The following ARHGAP15 variants were observed in gnomAD, a reference collection of about 807,000 sequenced individuals.
ARHGAP15 encodes Rho GTPase activating protein 15.
A neutral mutation model predicts 63.7 loss-of-function variants in ARHGAP15; 51 were observed. The observed-to-expected ratio is 0.80, with a 90% CI of 0.64 to 1.01. The LOEUF is 1.01. Among genes scored for constraint, ARHGAP15 ranks in the 50% least tolerant of loss-of-function variants. The pLI, the probability that ARHGAP15 is intolerant of heterozygous loss-of-function variation, is 0.00. For missense variants in ARHGAP15, 560 were observed against 564.6 expected (o/e 0.99, Z 0.08); for synonymous variants, 191 against 193.8 (o/e 0.99, Z 0.12).
chr2:143,700,396 C>G (rs1295924021), intron 12 of ARHGAP15, among the ~76,000 whole-genome samples: 1 of 152,170 alleles, frequency 6.6e-6, no homozygotes, highest in Admixed American at 6.5e-5. Flanking sequence ...CAAGACTACT[C>G]CCCACTTCTT....
intron 8 of ARHGAP15, among the ~76,000 whole-genome samples, chr2:143,471,786 C>T (rs1266330752): frequency 6.6e-6 from 1 of 152,116 alleles, no homozygotes; most frequent in Non-Finnish European, 1.5e-5. Context: ...AGAAGTGTAA[C>T]CAATCACCTC....
intron 10 of ARHGAP15, among the ~76,000 whole-genome samples, chr2:143,528,563 C>A (rs1694386443): frequency 6.6e-6 from 1 of 152,028 alleles, no homozygotes; most frequent in Non-Finnish European, 1.5e-5. Context: ...TTCATTTCCT[C>A]CAAATTTACT....
rs917092465 is a variant in ARHGAP15 at position 143,552,288 on chromosome 2, G to A, written c.926-4120G>A. ...CCAGGCTCAAACTCCACATCTGCAT[G>A]GTTTGTCCATCATTCGGGCTACCAA... On this transcript the variant is annotated intron_variant, in intron 10 of 13. Coordinates refer to ENST00000295095, the MANE Select transcript of ARHGAP15 (RefSeq NM_018460.4). Among the ~76,000 whole-genome samples, 37 of 152,148 alleles carry A rather than the reference G, an allele frequency of 2.4e-4. 1 individual carries two copies. The highest frequency in any genetic ancestry group is 4.4e-5 in the Non-Finnish European group (3 of 68,038).
intron 6 of ARHGAP15, among the ~76,000 whole-genome samples, chr2:143,402,395 T>C (rs778188326): frequency 9.9e-5 from 15 of 151,806 alleles, no homozygotes; most frequent in Non-Finnish European, 1.6e-4. Context: ...GTTGGAAAAA[T>C]AGACAACAGC....
At chr2:143,574,501 T>A (rs567759958) in intron 11 of ARHGAP15, among the ~76,000 whole-genome samples, 4 of 151,820 alleles carry the variant, frequency 2.6e-5, no homozygotes, top group Admixed American at 6.6e-5. Flanking sequence ...AATTAAAAAA[T>A]AATAATAAAA....
At chr2:143,629,684 G>A (rs149664295) in intron 12 of ARHGAP15, among the ~76,000 whole-genome samples, 25 of 152,172 alleles carry the variant, frequency 1.6e-4, no homozygotes, top group African/African-American at 5.5e-4. Context: ...CAAAGTTCCT[G>A]AAAAAGAGAA....
intron 12 of ARHGAP15, among the ~76,000 whole-genome samples, chr2:143,636,443 C>A (rs1222899685): frequency 1.3e-5 from 2 of 152,072 alleles, no homozygotes; most frequent in African/African-American, 4.8e-5. Context: ...TGATCCTGAA[C>A]AAATATTAGA....
chr2:143,132,655 CT>C (rs1355710127), intron 1 of ARHGAP15, among the ~76,000 whole-genome samples: 1 of 152,222 alleles, frequency 6.6e-6, no homozygotes, highest in East Asian at 1.9e-4. Flanking sequence ...GCAGCTACAG[CT>C]GCAGCACTTG....
chr2:143,336,801 A>G (rs11681300), intron 6 of ARHGAP15, among the ~76,000 whole-genome samples: 152,307 of 152,312 alleles, frequency 1, 76,151 homozygotes, highest in Non-Finnish European at 1. Flanking sequence ...TTTGAAGAAG[A>G]CTTTCTGCTT....
chr2:143,578,573 G>C (rs778116275), intron 11 of ARHGAP15, among the ~76,000 whole-genome samples: 24 of 152,018 alleles, frequency 1.6e-4, no homozygotes, highest in Non-Finnish European at 3.2e-4. Flanking sequence ...TAAAAAAGGT[G>C]GGGGGGTAGT....
At chr2:143,693,724 T>C (rs1683716414) in intron 12 of ARHGAP15, among the ~76,000 whole-genome samples, 1 of 152,222 alleles carries the variant, frequency 6.6e-6, no homozygotes. Context: ...AGGACGTTGA[T>C]AGTTAGGGAT....
At chr2:143,656,382 C>G (rs1044805669) in intron 12 of ARHGAP15, among the ~76,000 whole-genome samples, 12 of 152,220 alleles carry the variant, frequency 7.9e-5, no homozygotes, top group African/African-American at 2.7e-4. Context: ...ACCATGGTAT[C>G]TAAACACTTG....
At chr2:143,257,796 A>C (rs115370319) in intron 6 of ARHGAP15, among the ~76,000 whole-genome samples, 7,590 of 152,192 alleles carry the variant, frequency 0.05, 240 homozygotes, top group Middle Eastern at 0.075. Context: ...ACCTGGGCAA[A>C]AGAAACCACT....
At chr2:143,624,406 T>C (rs1698761151) in intron 12 of ARHGAP15, 139 bp downstream of exon 12, 1 of 1,030,994 alleles carries the variant, frequency 9.7e-7, no homozygotes, top group Admixed American at 3.4e-5. Context: ...CGTTTTCGTT[T>C]TTGTGTTTTG....
intron 6 of ARHGAP15, among the ~76,000 whole-genome samples, chr2:143,290,720 G>GA (rs1558870031): frequency 6.6e-6 from 1 of 152,122 alleles, no homozygotes; most frequent in East Asian, 1.9e-4. Flanking sequence ...GTAGGAGGAG[G>GA]AACAGGGAGC....
intron 12 of ARHGAP15, among the ~76,000 whole-genome samples, chr2:143,637,672 A>C (rs976805522): frequency 6.6e-6 from 1 of 152,144 alleles, no homozygotes; most frequent in Non-Finnish European, 1.5e-5. Flanking sequence ...GGCCATTTAA[A>C]ACAATGGAGC....
chr2:143,423,311 T>C (rs1345352243), intron 6 of ARHGAP15, among the ~76,000 whole-genome samples: 1 of 151,948 alleles, frequency 6.6e-6, no homozygotes, highest in Non-Finnish European at 1.5e-5. Flanking sequence ...TAATCATTGC[T>C]TTCCTCTTTA....
chr2:143,607,046 A>C (rs1177386191), intron 11 of ARHGAP15: 2 of 152,238 alleles, frequency 1.3e-5, no homozygotes, highest in African/African-American at 2.4e-5. Context: ...TCTTGAAATT[A>C]CTTTCTTTTC....
At chr2:143,277,620 T>A (rs999175720) in intron 6 of ARHGAP15, among the ~76,000 whole-genome samples, 1 of 152,020 alleles carries the variant, frequency 6.6e-6, no homozygotes, top group Non-Finnish European at 1.5e-5. Context: ...AACTTGAAGT[T>A]GGTGATAATA....
Sources: allele counts gnomAD v4.1 joint callset (sites outside exome capture counted in the v4.1 genomes callset), GRCh38; gene constraint gnomAD v4.1.1; transcripts MANE v1.5; gene names NCBI Gene and HGNC (gene_info 2026-07-23, HGNC 2026-07-21).